RPS6KA5: variants seen among roughly 807,000 people sequenced by gnomAD.
RPS6KA5 encodes the protein ribosomal protein S6 kinase alpha-5.
RPS6KA5 carries 27 observed loss-of-function variants against 85.5 expected under a neutral mutation model. The ratio of observed to expected loss-of-function variants is 0.32; its 90% CI spans 0.23 to 0.44. The LOEUF (loss-of-function observed/expected upper bound fraction) is 0.44, where lower values mean the gene tolerates loss of function less well. Among genes scored for constraint, RPS6KA5 ranks in the 20% least tolerant of loss-of-function variants. RPS6KA5 has a pLI of 1.00. For synonymous variants in RPS6KA5, 334 were observed against 348.2 expected, an observed-to-expected ratio of 0.96 and a Z score of 0.46; for missense variants, 811 against 980.9, an observed-to-expected ratio of 0.83 and a Z score of 2.31.
intron 12 of RPS6KA5, among the ~76,000 whole-genome samples, chr14:90,897,422 G>A (rs571060092): frequency 2.2e-4 from 34 of 152,266 alleles, no homozygotes; most frequent in African/African-American, 7.5e-4. Context: ...CATGGAGTAC[G>A]TGAAACGCAT....
intron 2 of RPS6KA5, among the ~76,000 whole-genome samples, chr14:90,989,218 A>G (rs915978494): frequency 6.6e-6 from 1 of 152,198 alleles, no homozygotes; most frequent in African/African-American, 2.4e-5. Flanking sequence ...AGGTATTATT[A>G]TAATAACTTA....
chr14:90,938,985 T>C (rs1381037945), intron 5 of RPS6KA5, among the ~76,000 whole-genome samples: 1 of 152,250 alleles, frequency 6.6e-6, no homozygotes, highest in Non-Finnish European at 1.5e-5. Context: ...TTTTCTTTTC[T>C]AGTGCATTGT....
intron 7 of RPS6KA5, among the ~76,000 whole-genome samples, chr14:90,910,713 T>C (rs1345084299): frequency 6.6e-6 from 1 of 150,642 alleles, no homozygotes; most frequent in Non-Finnish European, 1.5e-5. Context: ...TGAGACAGAG[T>C]CTGGCTCTGT....
At chr14:90,889,078 G>A (rs8005588) in intron 14 of RPS6KA5, among the ~76,000 whole-genome samples, 29,810 of 152,038 alleles carry the variant, frequency 0.2, 3,052 homozygotes, top group Middle Eastern at 0.23. Context: ...CGGATCACCC[G>A]AGGTCAGGAG....
chr14:91,041,929 T>G (rs1048331523), intron 1 of RPS6KA5, among the ~76,000 whole-genome samples: 28 of 152,344 alleles, frequency 1.8e-4, no homozygotes, highest in African/African-American at 6.7e-4. Context: ...TATAAAGCAG[T>G]AACAAACAGG....
At chr14:90,932,392 G>T (rs137894273) in intron 5 of RPS6KA5, among the ~76,000 whole-genome samples, 1 of 151,962 alleles carries the variant, frequency 6.6e-6, no homozygotes, top group African/African-American at 2.4e-5. Flanking sequence ...CTCCTACCTC[G>T]GCCTCCCAAA....
intron 3 of RPS6KA5, among the ~76,000 whole-genome samples, chr14:90,955,574 T>C (rs962211183): frequency 2.0e-5 from 3 of 152,230 alleles, no homozygotes; most frequent in East Asian, 1.9e-4. Context: ...CTTTTTGTTA[T>C]TGATTTCTTT....
At position 90,884,680 on chromosome 14, in the gene RPS6KA5, C is replaced by T. The variant is rs1858209441; in HGVS notation, c.1836+5807G>A. ...GACAGATTCCTGGTGCTTCCTGCTGCACTGTCTTCCCAGCATCCTCTCTTT... is the reference window on the plus strand; with the variant it reads ...GACAGATTCCTGGTGCTTCCTGCTGTACTGTCTTCCCAGCATCCTCTCTTT... On this transcript the variant is annotated intron_variant, in intron 14 of 16. Coordinates refer to ENST00000614987, the MANE Select transcript of RPS6KA5 (RefSeq NM_004755.4). 2.6e-5 allele frequency among the ~76,000 whole-genome samples: 4 copies of T among 152,242 alleles called. No individual in the cohort carries two copies. In the South Asian group the frequency reaches 8.3e-4, roughly 31 times the overall value.
intron 2 of RPS6KA5, among the ~76,000 whole-genome samples, chr14:90,983,948 G>A (rs1383598135): frequency 1.3e-5 from 2 of 152,014 alleles, no homozygotes; most frequent in East Asian, 1.9e-4. Context: ...GGGTTCAAGC[G>A]ATTCTCCCAT....
chr14:91,053,350 T>C (rs2043172720), intron 1 of RPS6KA5, among the ~76,000 whole-genome samples: 1 of 152,214 alleles, frequency 6.6e-6, no homozygotes, highest in South Asian at 2.1e-4. Flanking sequence ...GTGAAGGTTC[T>C]GGCCAAGGCA....
intron 7 of RPS6KA5, among the ~76,000 whole-genome samples, chr14:90,918,161 G>A (rs1459518232): frequency 1.3e-5 from 2 of 152,170 alleles, no homozygotes; most frequent in South Asian, 4.1e-4. Context: ...GTGTATGAAA[G>A]TTCCAGTTCC....
At chr14:90,980,940 G>A (rs2039763577) in intron 2 of RPS6KA5, among the ~76,000 whole-genome samples, 1 of 152,214 alleles carries the variant, frequency 6.6e-6, no homozygotes, top group African/African-American at 2.4e-5. Flanking sequence ...GGGAGGCTGA[G>A]GCAGGTGGAT....
intron 3 of RPS6KA5, among the ~76,000 whole-genome samples, chr14:90,961,254 G>A (rs553583368): frequency 6.6e-4 from 101 of 152,300 alleles, no homozygotes; most frequent in Non-Finnish European, 2.9e-5. Context: ...AATCCCCAGA[G>A]AAAATAGGAA....
At position 90,854,487 on chromosome 14, in the gene RPS6KA5, G is replaced by C. The variant is rs893297867; in HGVS notation, c.*17587C>G. The C allele has an allele frequency of 6.6e-6, 1 of 152,042 alleles. No homozygotes were observed. Among genetic ancestry groups the C allele is most frequent in the Non-Finnish European group, 1.5e-5 (1 of 67,970 alleles). 9.4% of individuals were successfully genotyped at this position (152,042 alleles called of 1,614,324 possible). A position where few individuals can be genotyped will look rare whatever the true frequency, so the allele number is the denominator to read the frequency against. ...TTAACTAGAATTTTTAAAGACTTGC[G>C]ATTTTGCTAAATGTATCATCATTAG... On this transcript the variant is annotated 3_prime_UTR_variant, in exon 17 of 17. Coordinates refer to ENST00000614987, the MANE Select transcript of RPS6KA5 (RefSeq NM_004755.4).
chr14:90,911,928 G>A (rs908442343), intron 7 of RPS6KA5, among the ~76,000 whole-genome samples: 2 of 152,136 alleles, frequency 1.3e-5, no homozygotes, highest in African/African-American at 4.8e-5. Flanking sequence ...CCCAATGGCA[G>A]GAGTACACAG....
chr14:91,059,988 C>T (rs775834777), intron 1 of RPS6KA5: 1 of 969,240 alleles, frequency 1.0e-6, no homozygotes, highest in Non-Finnish European at 1.2e-6. Flanking sequence ...CACCTTTCGC[C>T]CTGACAGGAC....
At chr14:91,001,650 T>C (rs2040802871) in intron 1 of RPS6KA5, among the ~76,000 whole-genome samples, 1 of 152,220 alleles carries the variant, frequency 6.6e-6, no homozygotes. Context: ...CAATACTCTA[T>C]GTCTCCATTA....
At chr14:90,995,509 G>A (rs768539019) in intron 2 of RPS6KA5, among the ~76,000 whole-genome samples, 4 of 151,938 alleles carry the variant, frequency 2.6e-5, no homozygotes, top group Non-Finnish European at 5.9e-5. Context: ...CTTCTCTACC[G>A]CTTGAGTGCC....
intron 1 of RPS6KA5, among the ~76,000 whole-genome samples, chr14:91,036,166 T>A (rs1193612403): frequency 6.6e-6 from 1 of 152,170 alleles, no homozygotes; most frequent in Non-Finnish European, 1.5e-5. Flanking sequence ...TGGATGGGCA[T>A]GTGCATGGCC....
Sources: allele counts gnomAD v4.1 joint callset (sites outside exome capture counted in the v4.1 genomes callset), GRCh38; gene constraint gnomAD v4.1.1; transcripts MANE v1.5; gene names NCBI Gene and HGNC (gene_info 2026-07-23, HGNC 2026-07-21).